The following RBM20 variants were observed in gnomAD, a reference collection of about 807,000 sequenced individuals.
RBM20 encodes the protein RNA binding motif protein 20, also known as RNA-binding protein 20.
Under a neutral mutation model 110.1 loss-of-function variants are expected in RBM20, and 51 were observed. That is an observed-to-expected ratio of 0.46 (90% CI 0.37 to 0.59). RBM20 has a LOEUF of 0.59. RBM20 is among the 20% of genes least tolerant of loss of function. The pLI, the probability that RBM20 is intolerant of heterozygous loss-of-function variation, is 0.00. For missense variants in RBM20, 1,512 were observed against 1,574.9 expected (o/e 0.96, Z 0.68); for synonymous variants, 589 against 618.2 (o/e 0.95, Z 0.70).
At chr10:110,710,832 T>C (rs1341330614) in intron 1 of RBM20, among the ~76,000 whole-genome samples, 2 of 152,166 alleles carry the variant, frequency 1.3e-5, no homozygotes. Flanking sequence ...AGGCTTCATG[T>C]GAGTCCCAGG....
At chr10:110,786,078 A>G (rs976653972) in intron 5 of RBM20, among the ~76,000 whole-genome samples, 3 of 152,208 alleles carry the variant, frequency 2.0e-5, no homozygotes, top group African/African-American at 7.2e-5. Context: ...CAACGGTGAC[A>G]GCTCCTCTTC....
At chr10:110,828,907 A>T (rs186861110) in intron 12 of RBM20, among the ~76,000 whole-genome samples, 2 of 152,180 alleles carry the variant, frequency 1.3e-5, no homozygotes, top group African/African-American at 4.8e-5. Flanking sequence ...CTGACAGAAG[A>T]TAGCTCTAGC....
intron 1 of RBM20, among the ~76,000 whole-genome samples, chr10:110,744,567 A>T (rs1404820772): frequency 6.6e-6 from 1 of 152,202 alleles, no homozygotes; most frequent in African/African-American, 2.4e-5. Flanking sequence ...CTTCCTCCAG[A>T]CTTACTGAAC....
intron 11 of RBM20, 49 bp from the exon 12 acceptor site, chr10:110,823,431 C>CTTTTTTTTTTTTTTTT: frequency 7.7e-7 from 1 of 1,297,382 alleles, no homozygotes; most frequent in South Asian, 1.5e-5. Flanking sequence ...TGTTGTATTT[C>CTTTTTTTTTTTTTTTT]TTTTTTTTTT....
intron 1 of RBM20, among the ~76,000 whole-genome samples, chr10:110,772,975 T>G (rs533532829): frequency 6.6e-6 from 1 of 152,236 alleles, no homozygotes; most frequent in Non-Finnish European, 1.5e-5. Flanking sequence ...CTTTCTCATT[T>G]TACAAAAAAA....
chr10:110,679,771 G>C (rs75428556), intron 1 of RBM20, among the ~76,000 whole-genome samples: 1 of 152,194 alleles, frequency 6.6e-6, no homozygotes, highest in Non-Finnish European at 1.5e-5. Flanking sequence ...GCTTGGCTGA[G>C]GGCTGGGAGG....
chr10:110,814,797 A>G (rs1844818971), intron 9 of RBM20, among the ~76,000 whole-genome samples: 1 of 152,176 alleles, frequency 6.6e-6, no homozygotes, highest in South Asian at 2.1e-4. Flanking sequence ...CCCTGCCAAG[A>G]TTCTTGATAG....
chr10:110,783,358 T>A lies in RBM20; in HGVS notation c.1276-8T>A, dbSNP rs886046704. 2 of 1,550,110 alleles carry A rather than the reference T, an allele frequency of 1.3e-6. No individual in the cohort carries two copies. Among genetic ancestry groups the A allele is most frequent in the Non-Finnish European group, 1.7e-6 (2 of 1,145,884 alleles). ...TACTTTGGTCACTTTTCTTTCCTTC[T>A]GACCTAGGACTGGGAGCTGCATGTG... On this transcript the variant is annotated splice_polypyrimidine_tract_variant and splice_region_variant and intron_variant, in intron 2 of 13. Transcript: ENST00000369519.
intron 1 of RBM20, among the ~76,000 whole-genome samples, chr10:110,654,118 T>C (rs1861988125): frequency 6.6e-6 from 1 of 152,230 alleles, no homozygotes; most frequent in Non-Finnish European, 1.5e-5. Context: ...GGTGCTACCA[T>C]GAGACCCTCT....
intron 1 of RBM20, among the ~76,000 whole-genome samples, chr10:110,773,183 C>A (rs1366509343): frequency 6.6e-6 from 1 of 152,206 alleles, no homozygotes; most frequent in Non-Finnish European, 1.5e-5. Flanking sequence ...TTGTTGATAT[C>A]AGTCCTAGGC....
intron 1 of RBM20, among the ~76,000 whole-genome samples, chr10:110,691,218 T>G (rs1216802752): frequency 6.6e-6 from 1 of 152,216 alleles, no homozygotes; most frequent in Non-Finnish European, 1.5e-5. Context: ...GCCCTGATCT[T>G]GGACTTCCCA....
rs35918856 is a variant in RBM20, at chr10:110,826,583, C to CT, written c.3451+2985dup. ...ATCAGTAGTCTGTTTCATTCTTCTT[C>CT]TTTTTTTTTTTTTTTTGAGACAAAG... is the stretch of plus-strand genomic sequence containing the variant. On this transcript the variant is annotated intron_variant, in intron 12 of 13. Transcript: ENST00000369519. Among the ~76,000 whole-genome samples the CT allele has an allele frequency of 1.2e-3, 174 of 140,956 alleles. 1 individual carries two copies. The highest frequency in any genetic ancestry group is 3.6e-3 in the South Asian group (16 of 4,390). 92.5% of individuals were successfully genotyped at this position (140,956 alleles called of 152,430 possible). A position where few individuals can be genotyped will look rare whatever the true frequency, so the allele number is the denominator to read the frequency against.
chr10:110,648,739 G>A (rs554957279), intron 1 of RBM20, among the ~76,000 whole-genome samples: 2 of 152,120 alleles, frequency 1.3e-5, no homozygotes, highest in East Asian at 3.9e-4. Flanking sequence ...TTTCTTAGCA[G>A]CCTGAATGAT....
upstream of RBM20, among the ~76,000 whole-genome samples, chr10:110,643,690 C>T (rs2134790544): frequency 6.6e-6 from 1 of 152,342 alleles, no homozygotes; most frequent in East Asian, 1.9e-4. Flanking sequence ...CGGCTGCTTC[C>T]GGGGACACCT....
intron 1 of RBM20, among the ~76,000 whole-genome samples, chr10:110,761,650 C>G (rs1002250463): frequency 6.6e-6 from 1 of 152,210 alleles, no homozygotes; most frequent in South Asian, 2.1e-4. Flanking sequence ...TGTCCCCACA[C>G]GTGGGGTGTA....
rs1862257054 is a variant in RBM20, at chr10:110,671,463, A to G, written c.191+26818A>G. Among the ~76,000 whole-genome samples, 6 of 152,242 alleles carry G rather than the reference A, an allele frequency of 3.9e-5. No individual in the cohort carries two copies. The South Asian group carries it at 1.2e-3, about 31-fold the overall frequency. On this transcript the variant is annotated intron_variant, in intron 1 of 13. Transcript: ENST00000369519. ...ATAACTAAGCGGAACCACTCTGCCCAGCTTTGAATTCCAGCTTGACACTTG... is the reference window on the plus strand; with the variant it reads ...ATAACTAAGCGGAACCACTCTGCCCGGCTTTGAATTCCAGCTTGACACTTG...
chr10:110,823,979 A>G (rs1032480875), intron 12 of RBM20, among the ~76,000 whole-genome samples: 4 of 151,240 alleles, frequency 2.6e-5, no homozygotes, highest in Non-Finnish European at 5.9e-5. Context: ...CTCCTGCCTC[A>G]GCTTCCCAAA....
chr10:110,717,473 A>G (rs1402200615), intron 1 of RBM20, among the ~76,000 whole-genome samples: 3 of 152,184 alleles, frequency 2.0e-5, no homozygotes, highest in African/African-American at 7.2e-5. Context: ...CAGGCCCCCA[A>G]GAACCCCCTT....
intron 1 of RBM20, among the ~76,000 whole-genome samples, chr10:110,737,223 A>G (rs941199131): frequency 3.5e-5 from 5 of 143,504 alleles, no homozygotes; most frequent in African/African-American, 1.3e-4. Flanking sequence ...CTCAAAAACA[A>G]CAGAGCTTGT....
Sources: allele counts gnomAD v4.1 joint callset (sites outside exome capture counted in the v4.1 genomes callset), GRCh38; gene constraint gnomAD v4.1.1; transcripts MANE v1.5; gene names NCBI Gene and HGNC (gene_info 2026-07-23, HGNC 2026-07-21).